Variants in RGS13 observed in about 807,000 individuals in gnomAD.
RGS13 encodes the protein regulator of G protein signaling 13.
RGS13 carries 14 observed loss-of-function variants against 19.9 expected under a neutral mutation model. That is an observed-to-expected ratio of 0.70 (90% CI 0.46 to 1.10). The LOEUF is 1.10. Ranked by LOEUF, RGS13 falls within the 50% of genes least tolerant of loss-of-function variation. The pLI is 0.00. For missense variants in RGS13, 205 were observed against 187.1 expected (o/e 1.10, Z -0.56); for synonymous variants, 60 against 56.8 (o/e 1.06, Z -0.25).
chr1:192,644,459 G>T (rs1210470322), intron 4 of RGS13, 60 bp downstream of exon 4: 2 of 1,248,408 alleles, frequency 1.6e-6, no homozygotes, highest in Admixed American at 1.9e-5. Flanking sequence ...TGATAAATAG[G>T]TACATATTTA....
chr1:192,646,009 G>C (rs1358655245), intron 4 of RGS13: 1 of 152,124 alleles, frequency 6.6e-6, no homozygotes, highest in Non-Finnish European at 1.5e-5. Context: ...ACCTTGCCTA[G>C]CTCTTTCCAT....
chr1:192,653,093 A>G (rs917509277), intron 5 of RGS13, among the ~76,000 whole-genome samples: 1 of 152,142 alleles, frequency 6.6e-6, no homozygotes, highest in Admixed American at 6.6e-5. Flanking sequence ...TCATAAACAA[A>G]AATAATACGT....
chr1:192,658,148 T>G (rs900869653), intron 5 of RGS13, 53 bp from the exon 6 acceptor site: 1 of 1,388,040 alleles, frequency 7.2e-7, no homozygotes, highest in Non-Finnish European at 9.9e-7. Context: ...TTGCTTAGAT[T>G]TTTTTGGTGA....
At position 192,658,146 on chromosome 1, in the gene RGS13, A is replaced by AT. The variant is rs572313593; in HGVS notation, c.128-48dup. On this transcript the variant is annotated intron_variant, in intron 5 of 6. Transcript: ENST00000391995. Reference sequence around the variant, plus strand: ...GCTTTTTTTTAACTGTATTGCTTAGATTTTTTTGGTGATTTTGACCCATGA... The same window carrying AT: ...GCTTTTTTTTAACTGTATTGCTTAGATTTTTTTTGGTGATTTTGACCCATGA... 1,378 of 1,365,740 alleles carry AT rather than the reference A, an allele frequency of 1.0e-3. 13 individuals carry two copies. The South Asian group carries it at 0.015, about 15-fold the overall frequency. 84.6% of individuals were successfully genotyped at this position (1,365,740 alleles called of 1,614,324 possible).
intron 6 of RGS13, chr1:192,658,617 A>C: frequency 5.7e-6 from 2 of 351,922 alleles, no homozygotes; most frequent in East Asian, 8.7e-5. Flanking sequence ...GCTTCTCCCC[A>C]TTAAATTATC....
chr1:192,649,874 T>G (rs1298700309), intron 5 of RGS13, among the ~76,000 whole-genome samples: 2 of 152,192 alleles, frequency 1.3e-5, no homozygotes, highest in Non-Finnish European at 2.9e-5. Flanking sequence ...ATTCTGCTTT[T>G]AATTGTAGCC....
At chr1:192,641,734 G>T (rs1663125848) in intron 3 of RGS13, among the ~76,000 whole-genome samples, 1 of 152,046 alleles carries the variant, frequency 6.6e-6, no homozygotes, top group Admixed American at 6.6e-5. Flanking sequence ...CTCATATTGG[G>T]CTGTCTGCTT....
intron 3 of RGS13, among the ~76,000 whole-genome samples, chr1:192,643,683 C>T (rs2102030818): frequency 6.6e-6 from 1 of 152,300 alleles, no homozygotes; most frequent in South Asian, 2.1e-4. Context: ...GGCACAGTGG[C>T]TCATGCCTAC....
At chr1:192,655,157 A>T (rs1386196721) in intron 5 of RGS13, among the ~76,000 whole-genome samples, 1 of 152,126 alleles carries the variant, frequency 6.6e-6, no homozygotes, top group African/African-American at 2.4e-5. Context: ...ACTTTTACAC[A>T]AATGCATTTT....
chr1:192,647,179 G>A (rs1031848818), intron 4 of RGS13: 1 of 152,076 alleles, frequency 6.6e-6, no homozygotes, highest in Non-Finnish European at 1.5e-5. Flanking sequence ...GTAAACACTT[G>A]GCTGGTGGCA....
chr1:192,659,132 C>A, intron 6 of RGS13: 1 of 382,200 alleles, frequency 2.6e-6, no homozygotes, highest in Non-Finnish European at 4.6e-6. Context: ...CTTTTTTGTT[C>A]CTCTTGGATG....
At chr1:192,659,286 CT>C (rs376439129) in intron 6 of RGS13, 51 bp from the exon 7 acceptor site, 20 of 1,418,754 alleles carry the variant, frequency 1.4e-5, no homozygotes, top group East Asian at 4.6e-5. Context: ...CTATATGTGC[CT>C]TTTTTTCAAC....
At chr1:192,646,747 C>T (rs1663228786) in intron 4 of RGS13, 1 of 152,058 alleles carries the variant, frequency 6.6e-6, no homozygotes, top group Admixed American at 6.6e-5. Context: ...TGAGAACAGG[C>T]AGTATTTGAT....
chr1:192,650,718 C>A (rs1040112897), intron 5 of RGS13, among the ~76,000 whole-genome samples: 1 of 151,872 alleles, frequency 6.6e-6, no homozygotes, highest in African/African-American at 2.4e-5. Flanking sequence ...AGAAGTATGG[C>A]AAAATCCAAA....
intron 5 of RGS13, among the ~76,000 whole-genome samples, chr1:192,652,922 C>T (rs1663368125): frequency 6.6e-6 from 1 of 151,920 alleles, no homozygotes; most frequent in Admixed American, 6.6e-5. Flanking sequence ...AGAGGGGTGG[C>T]CTTTATCACT....
intron 5 of RGS13, among the ~76,000 whole-genome samples, chr1:192,648,666 T>C (rs1663262372): frequency 6.6e-6 from 1 of 151,934 alleles, no homozygotes; most frequent in Non-Finnish European, 1.5e-5. Flanking sequence ...CTTGTTGAAT[T>C]TGGTAGTTTT....
chr1:192,653,970 G>A (rs1256849782), intron 5 of RGS13, among the ~76,000 whole-genome samples: 1 of 151,696 alleles, frequency 6.6e-6, no homozygotes, highest in Non-Finnish European at 1.5e-5. Context: ...GGGGAGCGGG[G>A]AGGGATAGCA....
At chr1:192,641,933 G>A (rs964092432) in intron 3 of RGS13, among the ~76,000 whole-genome samples, 2 of 152,076 alleles carry the variant, frequency 1.3e-5, no homozygotes, top group African/African-American at 4.8e-5. Flanking sequence ...CCTCCAAAAC[G>A]TCTACAATCT....
chr1:192,657,258 C>G (rs1201700702), intron 5 of RGS13, among the ~76,000 whole-genome samples: 1 of 152,052 alleles, frequency 6.6e-6, no homozygotes, highest in African/African-American at 2.4e-5. Flanking sequence ...ATATAGCAAT[C>G]CAATTCCTTG....
Sources: allele counts gnomAD v4.1 joint callset (sites outside exome capture counted in the v4.1 genomes callset), GRCh38; gene constraint gnomAD v4.1.1; transcripts MANE v1.5; gene names NCBI Gene and HGNC (gene_info 2026-07-23, HGNC 2026-07-21).